Variants in RTN4RL1 observed in about 807,000 individuals in gnomAD.
RTN4RL1 encodes the protein reticulon-4 receptor-like 1.
In RTN4RL1, 7 loss-of-function variants were observed where a neutral mutation model predicts 25.6. The observed-to-expected ratio is 0.27, with a 90% CI of 0.16 to 0.51. The LOEUF is 0.51. Among genes scored for constraint, RTN4RL1 ranks in the 20% least tolerant of loss-of-function variants. The pLI is 0.97. For synonymous variants in RTN4RL1, 297 were observed against 288.2 expected, an observed-to-expected ratio of 1.03 and a Z score of -0.31; for missense variants, 500 against 615.6, an observed-to-expected ratio of 0.81 and a Z score of 1.99.
Position 1,950,846 on chromosome 17 carries a change from C to CAA in RTN4RL1, c.14-13040_14-13039dup, listed in dbSNP as rs61660812. ...GGGCGACAGAGTGAGACACAGTCTC[C>CAA]AAAAAAAAAAAAAAAAAAAAAAAAA... is the stretch of plus-strand genomic sequence containing the variant. On this transcript the variant is annotated intron_variant, in intron 1 of 1. Transcript: ENST00000331238. Among the ~76,000 whole-genome samples, 102 of 17,792 alleles carry CAA rather than the reference C, an allele frequency of 5.7e-3. 15 individuals are homozygous for CAA. Among genetic ancestry groups the CAA allele is most frequent in the African/African-American group, 0.01 (65 of 6,232 alleles). 11.7% of individuals were successfully genotyped at this position (17,792 alleles called of 152,430 possible).
At position 1,998,629 on chromosome 17, in the gene RTN4RL1, C is replaced by T. The variant is rs1241496157; in HGVS notation, c.13+26224G>A. ...GGGGGACGTGGGGCCGGCTCGCCTCCTCCTGGGCTCGCCGGGATGTGGCCT... is the reference window on the plus strand; with the variant it reads ...GGGGGACGTGGGGCCGGCTCGCCTCTTCCTGGGCTCGCCGGGATGTGGCCT... On this transcript the variant is annotated intron_variant, in intron 1 of 1. Transcript: ENST00000331238. This position sits in a 1 kb window ranked among gnomAD's most constrained non-coding sequence, Gnocchi z 4.9. Among the ~76,000 whole-genome samples, 1 of 152,082 alleles carries T rather than the reference C, an allele frequency of 6.6e-6. No homozygotes were observed. The highest frequency in any genetic ancestry group is 2.4e-5 in the African/African-American group (1 of 41,436).
chr17:2,005,494 C>A (rs1216473275), intron 1 of RTN4RL1, among the ~76,000 whole-genome samples: 1 of 152,204 alleles, frequency 6.6e-6, no homozygotes, highest in Non-Finnish European at 1.5e-5. Flanking sequence ...TGCAATTAGG[C>A]CCTCCCTACC....
chr17:2,001,962 G>A (rs922089346), intron 1 of RTN4RL1, among the ~76,000 whole-genome samples: 4 of 151,824 alleles, frequency 2.6e-5, no homozygotes, highest in African/African-American at 9.7e-5. Context: ...GGGGAGCTCA[G>A]GCAGACCTAC....
chr17:2,004,003 G>A (rs541262181), intron 1 of RTN4RL1, among the ~76,000 whole-genome samples: 2 of 151,868 alleles, frequency 1.3e-5, no homozygotes, highest in Non-Finnish European at 2.9e-5. Context: ...CCCTGGAGGC[G>A]GAGGTTGCAG....
intron 1 of RTN4RL1, among the ~76,000 whole-genome samples, chr17:1,960,501 A>G (rs554312392): frequency 6.6e-6 from 1 of 152,246 alleles, no homozygotes; most frequent in East Asian, 1.9e-4. Flanking sequence ...CTCTGTTCCT[A>G]GACCACAGCG....
At chr17:1,953,929 G>A (rs1915736113) in intron 1 of RTN4RL1, among the ~76,000 whole-genome samples, 1 of 152,202 alleles carries the variant, frequency 6.6e-6, no homozygotes, top group Non-Finnish European at 1.5e-5. Flanking sequence ...GCCTCTGGGT[G>A]TGGCTGGACG....
At chr17:1,977,216 A>T (rs983953345) in intron 1 of RTN4RL1, among the ~76,000 whole-genome samples, 4 of 152,238 alleles carry the variant, frequency 2.6e-5, no homozygotes, top group Non-Finnish European at 5.9e-5. Flanking sequence ...AGGTGTGCAC[A>T]GACGGGCGAG....
chr17:1,959,386 C>A (rs1915852892), intron 1 of RTN4RL1, among the ~76,000 whole-genome samples: 1 of 152,140 alleles, frequency 6.6e-6, no homozygotes, highest in Non-Finnish European at 1.5e-5. Flanking sequence ...TCTTTCTTCT[C>A]TTCTCTTCAG....
intron 1 of RTN4RL1, among the ~76,000 whole-genome samples, chr17:1,969,374 C>T (rs1220776787): frequency 6.6e-6 from 1 of 152,114 alleles, no homozygotes; most frequent in East Asian, 1.9e-4. Flanking sequence ...CTGTCTCTAG[C>T]AAACAATCCG....
At chr17:2,005,676 G>A (rs1213141831) in intron 1 of RTN4RL1, among the ~76,000 whole-genome samples, 1 of 152,054 alleles carries the variant, frequency 6.6e-6, no homozygotes, top group African/African-American at 2.4e-5. Flanking sequence ...AGGCTGCAGT[G>A]AGCTGGGATT....
chr17:1,993,902 C>T (rs75333750), intron 1 of RTN4RL1, among the ~76,000 whole-genome samples: 6,668 of 152,250 alleles, frequency 0.044, 453 homozygotes, highest in African/African-American at 0.15. Flanking sequence ...TCAAACCCAC[C>T]CTCAAAGGTC....
chr17:1,992,283 C>T (rs1567518737), intron 1 of RTN4RL1, among the ~76,000 whole-genome samples: 1 of 147,298 alleles, frequency 6.8e-6, no homozygotes, highest in Admixed American at 6.9e-5. Flanking sequence ...GGCGTGAACC[C>T]GGGAGGCAGA....
chr17:1,955,626 CA>C (rs1187989650), intron 1 of RTN4RL1, among the ~76,000 whole-genome samples: 48 of 151,370 alleles, frequency 3.2e-4, no homozygotes, highest in Non-Finnish European at 5.6e-4. Flanking sequence ...CTCTGTCGCC[CA>C]GGCTGGAGTG....
chr17:2,013,782 TG>T (rs2067083454), intron 1 of RTN4RL1, among the ~76,000 whole-genome samples: 1 of 133,760 alleles, frequency 7.5e-6, no homozygotes, highest in Non-Finnish European at 1.6e-5. Context: ...TCCCTCACCC[TG>T]GAACATAAAT....
At chr17:1,979,526 G>C (rs34935012) in intron 1 of RTN4RL1, among the ~76,000 whole-genome samples, 47,567 of 152,106 alleles carry the variant, frequency 0.31, 7,920 homozygotes, top group South Asian at 0.41. Context: ...ATGCTGAGTG[G>C]GGGGGTGTGG....
At chr17:2,014,836 GA>G (rs113628933) in intron 1 of RTN4RL1, among the ~76,000 whole-genome samples, 3,081 of 138,232 alleles carry the variant, frequency 0.022, 76 homozygotes, top group African/African-American at 0.072. Flanking sequence ...CATCTCAAAG[GA>G]AAAAAAAAAA....
intron 1 of RTN4RL1, among the ~76,000 whole-genome samples, chr17:2,018,564 A>C (rs2067157437): frequency 6.6e-6 from 1 of 152,144 alleles, no homozygotes; most frequent in Admixed American, 6.5e-5. Context: ...CGCCCCACAA[A>C]ACAAATGTCA....
intron 1 of RTN4RL1, among the ~76,000 whole-genome samples, chr17:1,999,086 ATG>A (rs2151321564): frequency 1.1e-5 from 1 of 93,432 alleles, no homozygotes; most frequent in Admixed American, 1.3e-4. Context: ...CACCAGACAC[ATG>A]CGCGATCACA....
chr17:1,994,262 T>A lies in RTN4RL1; in HGVS notation c.13+30591A>T, dbSNP rs1220326389. Among the ~76,000 whole-genome samples, 1 of 151,742 alleles carries A rather than the reference T, an allele frequency of 6.6e-6. No individual in the cohort carries two copies. Among genetic ancestry groups the A allele is most frequent in the Admixed American group, 6.6e-5 (1 of 15,220 alleles). ...GGAGGACAAAGCGGCTTTCACTCCA[T>A]CCCTTATGGGGATAGTGAGGAGGGA... On this transcript the variant is annotated intron_variant, in intron 1 of 1. Coordinates refer to ENST00000331238, the MANE Select transcript of RTN4RL1 (RefSeq NM_178568.4). The surrounding 1 kb of genome is among the most constrained non-coding windows in gnomAD (Gnocchi z 4.3).
Sources: allele counts gnomAD v4.1 joint callset (sites outside exome capture counted in the v4.1 genomes callset), GRCh38; gene constraint gnomAD v4.1.1; non-coding constraint Gnocchi (gnomAD v3.1); transcripts MANE v1.5; gene names NCBI Gene and HGNC (gene_info 2026-07-23, HGNC 2026-07-21).